The following N4BP3 variants were observed in gnomAD, a reference collection of about 807,000 sequenced individuals.
N4BP3 encodes the protein NEDD4 binding protein 3, also known as NEDD4-binding protein 3.
In N4BP3, 33 loss-of-function variants were observed where a neutral mutation model predicts 43.8. The ratio of observed to expected loss-of-function variants is 0.75; its 90% CI spans 0.57 to 1.01. The LOEUF (loss-of-function observed/expected upper bound fraction) is 1.01, where lower values mean the gene tolerates loss of function less well. N4BP3 is among the 50% of genes least tolerant of loss of function. N4BP3 has a pLI of 0.00. For synonymous variants in N4BP3, 326 were observed against 321.9 expected (o/e 1.01, Z -0.14); for missense variants, 756 against 744.2 (o/e 1.02, Z -0.18).
chr5:178,120,628 G>C lies in N4BP3; in HGVS notation c.781G>C (p.Val261Leu), dbSNP rs747343409. Residue 261 changes from valine to leucine, a missense_variant, in exon 3 of 5, where the codon GTG (valine) becomes CTG (leucine). By Grantham distance (32) the Val-to-Leu change is conservative. Transcript: ENST00000274605. ...SCSSAEEMGA[V>L]LPETCEELKR... ...CTCCTCTGCCGAGGAAATGGGAGCCGTGCTGCCCGAGACCTGTGAGGAGCT... is the reference window on the plus strand; with the variant it reads ...CTCCTCTGCCGAGGAAATGGGAGCCCTGCTGCCCGAGACCTGTGAGGAGCT... 2.5e-6 allele frequency: 4 copies of C among 1,608,872 alleles called. No homozygotes were observed. The African/African-American group carries it at 5.3e-5, about 21-fold the overall frequency.
rs1308114090 is a variant in N4BP3, at chr5:178,120,653, T to C, written c.806T>C (p.Leu269Pro). ...GAVLPETCEE[L>P]KRGLGDEDGS... ...GTGCTGCCCGAGACCTGTGAGGAGC[T>C]CAAGAGGGGCCTTGGCGATGAGGAC... Residue 269 changes from leucine to proline, a missense_variant, in exon 3 of 5, where the codon CTC becomes CCC. Transcript: ENST00000274605. The C allele has an allele frequency of 6.2e-7, 1 of 1,604,808 alleles. No individual in the cohort carries two copies. The highest frequency in any genetic ancestry group is 1.1e-5 in the South Asian group (1 of 91,074).
chr5:178,122,137 G>T lies in N4BP3; in HGVS notation c.*136G>T, dbSNP rs543083447. On this transcript the variant is annotated 3_prime_UTR_variant, in exon 5 of 5. Transcript: ENST00000274605. ...GCTGGGGAGGCGCAAGGAGAGGAGG[G>T]ATCCAGTGGGGCCGTGGGCTGGGTA... is the stretch of plus-strand genomic sequence containing the variant. 2.2e-4 allele frequency: 250 copies of T among 1,151,616 alleles called. No homozygotes were observed. The highest frequency in any genetic ancestry group is 3.9e-4 in the Admixed American group (13 of 33,194). The allele number at this position is 1,151,616 out of a possible 1,614,324, so 71.3% of individuals were successfully genotyped here.
chr5:178,120,056 C>T (rs904783801), intron 2 of N4BP3, 122 bp from the exon 3 acceptor site: 18 of 1,474,894 alleles, frequency 1.2e-5, no homozygotes, highest in African/African-American at 1.4e-5. Context: ...TTCACTGCCT[C>T]CTGGTGGCAC....
chr5:178,121,579 CT>C lies in N4BP3; in HGVS notation c.1215del (p.Arg406GlyfsTer48), dbSNP rs1757925424. On this transcript the variant is annotated frameshift_variant, in exon 5 of 5. Transcript: ENST00000274605. LOFTEE classifies it high-confidence loss of function. The stretch of plus-strand genomic sequence containing the variant: ...GGAGATCTTCAGTCTGAAGACACAA[CT>C]TCGGGGCAGCCGGGCACAAGCCCAG... ...LAEIFSLKTQ[L>X]RGSRAQAQAQ... 1 of 1,613,378 alleles carries C rather than the reference CT, an allele frequency of 6.2e-7. No homozygotes were observed. The highest frequency in any genetic ancestry group is 8.5e-7 in the Non-Finnish European group (1 of 1,179,990).
In N4BP3 at chr5:178,119,626, G is replaced by T. The variant is rs764936930; in HGVS notation, c.43G>T (p.Val15Leu). 6.3e-7 allele frequency: 1 copy of T among 1,575,076 alleles called. No homozygotes were observed. Among genetic ancestry groups the T allele is most frequent in the Admixed American group, 1.8e-5 (1 of 56,076 alleles). Residue 15 changes from valine to leucine, a missense_variant, in exon 2 of 5, where the codon GTG becomes TTG. By Grantham distance (32) the Val-to-Leu change is conservative. Transcript: ENST00000274605. The stretch of plus-strand genomic sequence containing the variant: ...CCCTGCTGGCATTGCCATGGGCAGC[G>T]TGGGCAGCCTGTTGGAACGGCAGGA... ...PGPAGIAMGSVGSLLERQDFS... is the reference protein window; with the variant it reads ...PGPAGIAMGSLGSLLERQDFS...
rs1214905634 is a variant in N4BP3, at chr5:178,125,189, CT to C, written c.*3189del. 1 of 152,454 alleles carries C rather than the reference CT, an allele frequency of 6.6e-6. No homozygotes were observed. Among genetic ancestry groups the C allele is most frequent in the Non-Finnish European group, 1.5e-5 (1 of 68,212 alleles). The allele number at this position is 152,454 out of a possible 1,614,324, so 9.4% of individuals were successfully genotyped here. On this transcript the variant is annotated 3_prime_UTR_variant, in exon 5 of 5. Transcript: ENST00000274605. The stretch of plus-strand genomic sequence containing the variant: ...GTTCCAGTGATGTATTTGGGGCCTT[CT>C]CAGGTGAGGAAGCCAAGGTGGCCAA...
chr5:178,121,538 T>A lies in N4BP3; in HGVS notation c.1172T>A (p.Leu391Gln), dbSNP rs1353191672. The A allele has an allele frequency of 1.2e-6, 2 of 1,613,854 alleles. No individual in the cohort carries two copies. The highest frequency in any genetic ancestry group is 1.7e-6 in the Non-Finnish European group (2 of 1,179,992). The stretch of plus-strand genomic sequence containing the variant: ...CAGCTGCGTGAAGCCCAGGCGGAAC[T>A]GGCCCAGAAGCTGGCGGAGATCTTC... ...KQQLREAQAE[L>Q]AQKLAEIFSL... Residue 391 changes from leucine to glutamine, a missense_variant, in exon 5 of 5, where the codon CTG becomes CAG. Transcript: ENST00000274605.
At position 178,119,702 on chromosome 5, in the gene N4BP3, G is replaced by T. The variant is rs1231133291; in HGVS notation, c.119G>T (p.Arg40Leu). ...RAALAGSRGS[R>L]QPDGLLRKGL... The stretch of plus-strand genomic sequence containing the variant: ...GCACTTGCCGGGTCTCGGGGCTCCC[G>T]CCAGCCTGATGGGCTCCTCCGGAAG... The change falls in exon 2 of 5, where the codon CGC (arginine) becomes CTC (leucine). Residue 40 changes from arginine to leucine, a missense_variant. Arg to Leu is a moderately radical substitution (Grantham distance 102). Coordinates refer to ENST00000274605, the MANE Select transcript of N4BP3 (RefSeq NM_015111.2). 6.2e-7 allele frequency: 1 copy of T among 1,612,688 alleles called. No homozygotes were observed. The highest frequency in any genetic ancestry group is 8.5e-7 in the Non-Finnish European group (1 of 1,179,768).
Position 178,121,699 on chromosome 5 carries a change from G to A in N4BP3, c.1333G>A (p.Asp445Asn), listed in dbSNP as rs766264356. ...GGAAGCCCCAGGCAGCTGTGAGACTGATGACTGCAAGAGCAGGGGCCTGCT... is the reference window on the plus strand; with the variant it reads ...GGAAGCCCCAGGCAGCTGTGAGACTAATGACTGCAAGAGCAGGGGCCTGCT... ...REEAPGSCET[D>N]DCKSRGLLGE... The change falls in exon 5 of 5, where the codon GAT becomes AAT. Residue 445 changes from aspartate (D) to asparagine (N), a missense_variant. By Grantham distance (23) the Asp-to-Asn change is conservative. Transcript: ENST00000274605. 6.2e-7 allele frequency: 1 copy of A among 1,610,350 alleles called. No individual in the cohort carries two copies.
At position 178,118,867 on chromosome 5, in the gene N4BP3, C is replaced by CTT. The variant is rs1163342087; in HGVS notation, c.-30-672_-30-671dup. On this transcript the variant is annotated intron_variant, in intron 1 of 4. Transcript: ENST00000274605. The surrounding 1 kb of genome is among the most constrained non-coding windows in gnomAD (Gnocchi z 5.4). ...GTCAGGTTCAGCCAGGCTGAGTTTTCTTTTTTTTTTTTTTTTGAGATGGAG... is the reference window on the plus strand; with the variant it reads ...GTCAGGTTCAGCCAGGCTGAGTTTTCTTTTTTTTTTTTTTTTTTGAGATGGAG... Among the ~76,000 whole-genome samples the CTT allele has an allele frequency of 4.4e-5, 6 of 137,612 alleles. No homozygotes were observed. Among genetic ancestry groups the CTT allele is most frequent in the African/African-American group, 1.6e-4 (6 of 37,796 alleles). The allele number at this position is 137,612 out of a possible 152,430, so 90.3% of individuals were successfully genotyped here.
At chr5:178,115,555 A>G (rs1757752929) in intron 1 of N4BP3, among the ~76,000 whole-genome samples, 1 of 152,202 alleles carries the variant, frequency 6.6e-6, no homozygotes, top group African/African-American at 2.4e-5. Context: ...GGGATCCGAG[A>G]GGACTTCTAA....
chr5:178,119,979 T>TTGGGA, intron 2 of N4BP3, 66 bp downstream of exon 2: 2 of 1,515,522 alleles, frequency 1.3e-6, no homozygotes, highest in Non-Finnish European at 1.8e-6. Context: ...GACCCTGATG[T>TTGGGA]TGGGATGGGG....
chr5:178,122,099 AG>A lies in N4BP3; in HGVS notation c.*100del. 7.1e-7 allele frequency: 1 copy of A among 1,406,628 alleles called. No homozygotes were observed. 87.1% of individuals were successfully genotyped at this position (1,406,628 alleles called of 1,614,324 possible). ...GCACTGGTTGGGGTGGAACCTGCAG[AG>A]GCCAGCCCGGGGCTGGGGAGGCGCA... On this transcript the variant is annotated 3_prime_UTR_variant, in exon 5 of 5. Coordinates refer to ENST00000274605, the MANE Select transcript of N4BP3 (RefSeq NM_015111.2).
downstream of N4BP3, among the ~76,000 whole-genome samples, chr5:178,126,762 C>A (rs147531738): frequency 3.0e-3 from 462 of 152,296 alleles, 1 homozygote; most frequent in Non-Finnish European, 5.0e-3. Context: ...AATTAACTCA[C>A]AGGAAAGGAT....
rs1758015993 is a variant in N4BP3 at position 178,124,719 on chromosome 5, T to A, written c.*2718T>A. 6.6e-6 allele frequency: 1 copy of A among 152,646 alleles called. No individual in the cohort carries two copies. Among genetic ancestry groups the A allele is most frequent in the South Asian group, 2.1e-4 (1 of 4,842 alleles). The allele number at this position is 152,646 out of a possible 1,614,324, so 9.5% of individuals were successfully genotyped here. A position where few individuals can be genotyped will look rare whatever the true frequency, so the allele number is the denominator to read the frequency against. On this transcript the variant is annotated 3_prime_UTR_variant, in exon 5 of 5. Coordinates refer to ENST00000274605, the MANE Select transcript of N4BP3 (RefSeq NM_015111.2). ...TCCCTTCAGGCTTCTGACACACTAG[T>A]GGCCTCGAGTCACTGATAGTGGTGC...
rs908303014 is a variant in N4BP3 at position 178,125,915 on chromosome 5, G to T, written c.*3914G>T. ...TTTTTCTCTTTCCTTTTTTGTGAGC[G>T]GTATTTAATTCCTTTGCTCTAATAT... On this transcript the variant is annotated 3_prime_UTR_variant, in exon 5 of 5. Transcript: ENST00000274605. 1.3e-5 allele frequency: 2 copies of T among 150,804 alleles called. No individual in the cohort carries two copies. The highest frequency in any genetic ancestry group is 2.9e-5 in the Non-Finnish European group (2 of 67,880). 9.3% of individuals were successfully genotyped at this position (150,804 alleles called of 1,614,324 possible).
At position 178,121,728 on chromosome 5, in the gene N4BP3, G is replaced by T; in HGVS notation, c.1362G>T (p.Gly454=). 6.2e-7 allele frequency: 1 copy of T among 1,608,234 alleles called. No individual in the cohort carries two copies. Among genetic ancestry groups the T allele is most frequent in the Non-Finnish European group, 8.5e-7 (1 of 1,179,850 alleles). The stretch of plus-strand genomic sequence containing the variant: ...ACTGCAAGAGCAGGGGCCTGCTAGG[G>T]GAGGCAGGAGGCAGCGAGGCCAGAG... ...TDDCKSRGLL[G]EAGGSEARDS... is the part of the protein sequence containing the mutation. Residue 454 remains glycine, a synonymous_variant, in exon 5 of 5, where the codon GGG becomes GGT. Coordinates refer to ENST00000274605, the MANE Select transcript of N4BP3 (RefSeq NM_015111.2).
rs1185444255 is a variant in N4BP3 at position 178,118,324 on chromosome 5, G to A, written c.-30-1230G>A. Among the ~76,000 whole-genome samples the A allele has an allele frequency of 6.6e-6, 1 of 152,204 alleles. No homozygotes were observed. Among genetic ancestry groups the A allele is most frequent in the Non-Finnish European group, 1.5e-5 (1 of 68,038 alleles). On this transcript the variant is annotated intron_variant, in intron 1 of 4. Transcript: ENST00000274605. This position sits in a 1 kb window ranked among gnomAD's most constrained non-coding sequence, Gnocchi z 5.4. ...GGCTGTGGCCCAGGCCCTGAACTGG[G>A]TGCTCTGTCATGTTATCCCACCCCA... is the stretch of plus-strand genomic sequence containing the variant.
Position 178,122,050 on chromosome 5 carries a change from A to G in N4BP3, c.*49A>G. On this transcript the variant is annotated 3_prime_UTR_variant, in exon 5 of 5. Coordinates refer to ENST00000274605, the MANE Select transcript of N4BP3 (RefSeq NM_015111.2). ...AGCAACACTGTCAGAAGGTGCCCTGAGACGGCCGGCTCAGCCTTCCCTTGC... is the reference window on the plus strand; with the variant it reads ...AGCAACACTGTCAGAAGGTGCCCTGGGACGGCCGGCTCAGCCTTCCCTTGC... The G allele has an allele frequency of 1.3e-6, 2 of 1,519,860 alleles. No individual in the cohort carries two copies. Among genetic ancestry groups the G allele is most frequent in the Non-Finnish European group, 1.8e-6 (2 of 1,136,494 alleles). 94.1% of individuals were successfully genotyped at this position (1,519,860 alleles called of 1,614,324 possible).
Sources: allele counts gnomAD v4.1 joint callset (sites outside exome capture counted in the v4.1 genomes callset), GRCh38; gene constraint gnomAD v4.1.1; non-coding constraint Gnocchi (gnomAD v3.1); transcripts MANE v1.5; gene names NCBI Gene and HGNC (gene_info 2026-07-23, HGNC 2026-07-21).